WNK2: variants seen among roughly 807,000 people sequenced by gnomAD.
WNK2 encodes the protein WNK lysine deficient protein kinase 2.
WNK2 carries 67 observed loss-of-function variants against 192.1 expected under a neutral mutation model. The ratio of observed to expected loss-of-function variants is 0.35; its 90% confidence interval spans 0.29 to 0.43. The LOEUF is 0.43. Ranked by LOEUF, WNK2 falls within the 20% of genes least tolerant of loss-of-function variation. The pLI, the probability that WNK2 is intolerant of heterozygous loss-of-function variation, is 1.00. For synonymous variants in WNK2, 1,439 were observed against 1,393.9 expected, an observed-to-expected ratio of 1.03 and a Z score of -0.72; for missense variants, 2,698 against 3,089.7, an observed-to-expected ratio of 0.87 and a Z score of 3.01.
intron 23 of WNK2, among the ~76,000 whole-genome samples, chr9:93,296,658 C>T: frequency 1.9e-5 from 2 of 103,662 alleles, no homozygotes; most frequent in Non-Finnish European, 4.1e-5. Context: ...CACCTTTCTC[C>T]CCTGCCCATC....
At chr9:93,313,169 A>G (rs1384517342) in intron 28 of WNK2, among the ~76,000 whole-genome samples, 2 of 152,172 alleles carry the variant, frequency 1.3e-5, no homozygotes, top group Non-Finnish European at 2.9e-5. Context: ...CAGTCGGTTT[A>G]AAGCCTTTGT....
At position 93,247,870 on chromosome 9, in the gene WNK2, C is replaced by T. The variant is rs1421609192; in HGVS notation, c.1834+36C>T. The T allele has an allele frequency of 1.3e-6, 2 of 1,525,200 alleles. No individual in the cohort carries two copies. Among genetic ancestry groups the T allele is most frequent in the Middle Eastern group, 4.6e-4 (2 of 4,322 alleles). The allele number at this position is 1,525,200 out of a possible 1,614,324, so 94.5% of individuals were successfully genotyped here. A position where few individuals can be genotyped will look rare whatever the true frequency, so the allele number is the denominator to read the frequency against. On this transcript the variant is annotated intron_variant, in intron 8 of 29. Coordinates refer to ENST00000427277, the MANE Select transcript of WNK2 (RefSeq NM_006648.4). This position sits in a 1 kb window ranked among gnomAD's most constrained non-coding sequence, Gnocchi z 5.2. ...AGGGGTGGGATGGCCATGGGCACCC[C>T]TCCCACCTACCCTGCAAAAACCAGC...
intron 12 of WNK2, among the ~76,000 whole-genome samples, chr9:93,260,752 C>T (rs150968956): frequency 3.3e-4 from 51 of 152,310 alleles, no homozygotes; most frequent in Middle Eastern, 3.4e-3. Flanking sequence ...GAATCGCATC[C>T]GTCCTGTGGC....
chr9:93,308,097 C>T, intron 27 of WNK2: 1 of 799,532 alleles, frequency 1.3e-6, no homozygotes. Flanking sequence ...GTCCCCTGGC[C>T]TGGCTTCTGA....
At position 93,308,580 on chromosome 9, in the gene WNK2, G is replaced by T. The variant is rs771367178; in HGVS notation, c.6512G>T (p.Arg2171Leu). Residue 2171 changes from arginine to leucine, a missense_variant, in exon 28 of 30, where the codon CGG becomes CTG. Transcript: ENST00000427277. ...GGCTGGGCTGCCCCTGGCGAGGCGC[G>T]GGCTGTGAGTGCGGGGCGGGTGGGG... ...QAGWAAPGEA[R>L]AMTAPRAGVG... 3 of 1,577,208 alleles carry T rather than the reference G, an allele frequency of 1.9e-6. No individual in the cohort carries two copies. The highest frequency in any genetic ancestry group is 1.2e-5 in the South Asian group (1 of 86,342).
At chr9:93,268,879 G>T in intron 19 of WNK2, 133 bp downstream of exon 19, 5 of 1,572,024 alleles carry the variant, frequency 3.2e-6, no homozygotes, top group Non-Finnish European at 4.3e-6. Context: ...CTCCCATGGC[G>T]CAGAGCAGCC....
chr9:93,207,715 C>T (rs1288661339), intron 2 of WNK2, among the ~76,000 whole-genome samples: 3 of 152,254 alleles, frequency 2.0e-5, no homozygotes, highest in Non-Finnish European at 4.4e-5. Context: ...GCCTAAGTCA[C>T]GGGCCAGGAT....
At chr9:93,189,136 CTG>C (rs1829873148) in intron 2 of WNK2, among the ~76,000 whole-genome samples, 1 of 152,162 alleles carries the variant, frequency 6.6e-6, no homozygotes, top group Non-Finnish European at 1.5e-5. Context: ...CCTGTTTCTG[CTG>C]TGTCTCCCTT....
intron 3 of WNK2, among the ~76,000 whole-genome samples, chr9:93,230,577 G>A (rs889467917): frequency 3.3e-5 from 5 of 152,186 alleles, no homozygotes; most frequent in Admixed American, 3.3e-4. Context: ...CCTGCCTTGG[G>A]CAACTTACAA....
At chr9:93,310,376 G>A (rs1853423257) in intron 28 of WNK2, among the ~76,000 whole-genome samples, 1 of 151,982 alleles carries the variant, frequency 6.6e-6, no homozygotes, top group African/African-American at 2.4e-5. Flanking sequence ...AGTGCTAACT[G>A]TTGTTCAGAT....
intron 2 of WNK2, among the ~76,000 whole-genome samples, chr9:93,199,974 G>A (rs536792251): frequency 6.6e-6 from 1 of 151,844 alleles, no homozygotes; most frequent in Non-Finnish European, 1.5e-5. Flanking sequence ...GGTCCTGTGT[G>A]TGTCCAGGGC....
In WNK2 at chr9:93,247,881, C is replaced by A; in HGVS notation, c.1834+47C>A. 6.6e-7 allele frequency: 1 copy of A among 1,507,154 alleles called. No homozygotes were observed. Among genetic ancestry groups the A allele is most frequent in the Non-Finnish European group, 8.8e-7 (1 of 1,132,594 alleles). The allele number at this position is 1,507,154 out of a possible 1,614,324, so 93.4% of individuals were successfully genotyped here. ...GGCCATGGGCACCCCTCCCACCTAC[C>A]CTGCAAAAACCAGCTATTGGGCAAA... is the stretch of plus-strand genomic sequence containing the variant. On this transcript the variant is annotated intron_variant, in intron 8 of 29. Transcript: ENST00000427277. The surrounding 1 kb of genome is among the most constrained non-coding windows in gnomAD (Gnocchi z 5.2).
At position 93,259,227 on chromosome 9, in the gene WNK2, C is replaced by T. The variant is rs1447210129; in HGVS notation, c.2679C>T (p.Gly893=). 6 of 1,613,294 alleles carry T rather than the reference C, an allele frequency of 3.7e-6. No homozygotes were observed. Among genetic ancestry groups the T allele is most frequent in the African/African-American group, 1.3e-5 (1 of 74,988 alleles). ...TIPLLAVAPP[G]VAALSIHSAV... ...CCCTGCTGGCCGTAGCCCCACCGGG[C>T]GTGGCTGCCCTGTCCATTCATTCTG... is the stretch of plus-strand genomic sequence containing the variant. Residue 893 remains glycine (G), a synonymous_variant, in exon 12 of 30, where the codon GGC becomes GGT. Transcript: ENST00000427277. The surrounding 1 kb of genome is among the most constrained non-coding windows in gnomAD (Gnocchi z 4.8).
chr9:93,226,189 C>T lies in WNK2; in HGVS notation c.682-3507C>T, dbSNP rs146361726. ...CGTTCCTTTGCAGATAAGACTTGCT[C>T]GGGGTTCTGACATTACACTAGAACA... On this transcript the variant is annotated intron_variant, in intron 2 of 29. Transcript: ENST00000427277. 5.4e-3 allele frequency among the ~76,000 whole-genome samples: 825 copies of T among 152,310 alleles called. 7 individuals are homozygous for T. Among genetic ancestry groups the T allele is most frequent in the African/African-American group, 0.019 (771 of 41,566 alleles).
intron 5 of WNK2, among the ~76,000 whole-genome samples, chr9:93,237,424 G>A (rs1228678097): frequency 6.6e-6 from 1 of 152,190 alleles, no homozygotes; most frequent in African/African-American, 2.4e-5. Context: ...TTTCTGCAGT[G>A]TGTAATCTGC....
chr9:93,278,300 A>G (rs371860967), intron 19 of WNK2, among the ~76,000 whole-genome samples: 2 of 152,172 alleles, frequency 1.3e-5, no homozygotes, highest in African/African-American at 4.8e-5. Flanking sequence ...GTCTGAAGAT[A>G]ACGGGTGATT....
intron 26 of WNK2, among the ~76,000 whole-genome samples, chr9:93,305,331 C>T (rs1358214772): frequency 6.6e-6 from 1 of 152,188 alleles, no homozygotes. Context: ...AGGGGCCCCT[C>T]CTGCACTACA....
intron 8 of WNK2, among the ~76,000 whole-genome samples, chr9:93,248,313 G>A (rs890966122): frequency 6.6e-6 from 1 of 152,274 alleles, no homozygotes; most frequent in African/African-American, 2.4e-5. Flanking sequence ...CCGGTGATCT[G>A]TAACCAGGAG....
chr9:93,287,528 T>C (rs1848629438), intron 19 of WNK2, among the ~76,000 whole-genome samples: 1 of 152,102 alleles, frequency 6.6e-6, no homozygotes, highest in African/African-American at 2.4e-5. Context: ...TACCATTCCA[T>C]TGATAGAACG....
Sources: allele counts gnomAD v4.1 joint callset (sites outside exome capture counted in the v4.1 genomes callset), GRCh38; gene constraint gnomAD v4.1.1; non-coding constraint Gnocchi (gnomAD v3.1); transcripts MANE v1.5; gene names NCBI Gene and HGNC (gene_info 2026-07-23, HGNC 2026-07-21).